KANSL1: variants seen among roughly 807,000 people sequenced by gnomAD.
KANSL1 encodes the protein MLL1/MLL complex subunit KANSL1.
Under a neutral mutation model 103.6 loss-of-function variants are expected in KANSL1, and 22 were observed. The ratio of observed to expected loss-of-function variants is 0.21; its 90% CI spans 0.15 to 0.30. The LOEUF (loss-of-function observed/expected upper bound fraction) is 0.30, where lower values mean the gene tolerates loss of function less well. Among genes scored for constraint, KANSL1 ranks in the 10% least tolerant of loss-of-function variants. The pLI, the probability that KANSL1 is intolerant of heterozygous loss-of-function variation, is 1.00. For missense variants in KANSL1, 1,337 were observed against 1,399.8 expected (o/e 0.96, Z 0.72); for synonymous variants, 600 against 527.6 (o/e 1.14, Z -1.88).
intron 2 of KANSL1, among the ~76,000 whole-genome samples, chr17:46,157,980 G>A (rs2045521177): frequency 6.6e-6 from 1 of 152,234 alleles, no homozygotes; most frequent in Admixed American, 6.5e-5. Context: ...AATAGTTGTA[G>A]CAATTCAGCT....
At position 46,115,459 on chromosome 17, in the gene KANSL1, T is replaced by C. The variant is rs2043003292; in HGVS notation, c.1290-20758A>G. Among the ~76,000 whole-genome samples, 4 of 152,190 alleles carry C rather than the reference T, an allele frequency of 2.6e-5. No homozygotes were observed. The South Asian group carries it at 8.3e-4, about 32-fold the overall frequency. On this transcript the variant is annotated intron_variant, in intron 2 of 14. Transcript: ENST00000432791. ...TATAAAGCTATCGAGTGTCAACAGT[T>C]CTATATTACCCCCGTCCCCACCCCC... is the stretch of plus-strand genomic sequence containing the variant.
At chr17:46,062,053 T>A (rs1023260898) in intron 6 of KANSL1, among the ~76,000 whole-genome samples, 2 of 135,096 alleles carry the variant, frequency 1.5e-5, no homozygotes, top group Admixed American at 1.8e-4. Flanking sequence ...GATTGTGCCA[T>A]TGCACTCCAG....
intron 2 of KANSL1, among the ~76,000 whole-genome samples, chr17:46,111,780 T>C (rs764662213): frequency 2.6e-5 from 4 of 152,228 alleles, no homozygotes; most frequent in Non-Finnish European, 4.4e-5. Context: ...AATTCCTATC[T>C]TACACTACAC....
Position 46,108,865 on chromosome 17 carries a change from T to C in KANSL1, c.1290-14164A>G, listed in dbSNP as rs566204791. The stretch of plus-strand genomic sequence containing the variant: ...ATGCTGAAAGCGAGTCAAGCAATTA[T>C]AGTCCACACTCTTAGTCCAAGTATA... On this transcript the variant is annotated intron_variant, in intron 2 of 14. Transcript: ENST00000432791. Among the ~76,000 whole-genome samples the C allele has an allele frequency of 5.9e-5, 9 of 152,330 alleles. No homozygotes were observed. In the East Asian group the frequency reaches 1.5e-3, roughly 26 times the overall value.
rs746688275 is a variant in KANSL1 at position 46,038,566 on chromosome 17, G to C, written c.2513C>G (p.Ser838Cys). The C allele has an allele frequency of 6.2e-7, 1 of 1,614,166 alleles. No homozygotes were observed. Among genetic ancestry groups the C allele is most frequent in the Non-Finnish European group, 8.5e-7 (1 of 1,180,028 alleles). ...TGTGCTGGCTGTAACCTGTGAGCTA[G>C]AGCTGGCGGGTGCAGGGGAATCTGA... ...TSSDSPAPAS[S>C]SSQVTASTSQ... The change falls in exon 10 of 15, where the codon TCT becomes TGT. Residue 838 changes from serine to cysteine, a missense_variant. Transcript: ENST00000432791.
chr17:46,059,337 G>A (rs1411897717), intron 6 of KANSL1, among the ~76,000 whole-genome samples: 1 of 152,036 alleles, frequency 6.6e-6, no homozygotes, highest in African/African-American at 2.4e-5. Flanking sequence ...GAGGAAAGGA[G>A]GCTGGGCACA....
At chr17:46,200,467 G>T (rs2047763087) in intron 1 of KANSL1, among the ~76,000 whole-genome samples, 1 of 152,206 alleles carries the variant, frequency 6.6e-6, no homozygotes, top group Non-Finnish European at 1.5e-5. Context: ...TACAGGCTGG[G>T]TGCGGTAGCT....
At chr17:46,064,957 G>GT (rs1213117586) in intron 6 of KANSL1, among the ~76,000 whole-genome samples, 7 of 151,684 alleles carry the variant, frequency 4.6e-5, no homozygotes, top group African/African-American at 1.7e-4. Context: ...ATGTATACGT[G>GT]TGTTTTTTTT....
At chr17:46,107,393 T>C (rs1048878331) in intron 2 of KANSL1, among the ~76,000 whole-genome samples, 4 of 152,218 alleles carry the variant, frequency 2.6e-5, no homozygotes, top group African/African-American at 9.6e-5. Flanking sequence ...ACCTCCACTG[T>C]ACTAAATCCA....
rs941967137 is a variant in KANSL1, at chr17:46,098,966, T to C, written c.1290-4265A>G. 1.9e-4 allele frequency among the ~76,000 whole-genome samples: 29 copies of C among 152,336 alleles called. 1 individual carries two copies. In the East Asian group the frequency reaches 5.0e-3, roughly 26 times the overall value. On this transcript the variant is annotated intron_variant, in intron 2 of 14. Coordinates refer to ENST00000432791, the MANE Select transcript of KANSL1 (RefSeq NM_015443.4). ...ATATGAAGATGTTACCATACTCCAG[T>C]GGCAGAGCAGAGCACCACTAAACAG...
chr17:46,069,038 G>A (rs1440544783), intron 4 of KANSL1, among the ~76,000 whole-genome samples: 1 of 152,132 alleles, frequency 6.6e-6, no homozygotes, highest in African/African-American at 2.4e-5. Context: ...CGATTCTCCT[G>A]CTTTGGCCTC....
At chr17:46,190,822 G>A (rs1361201637) in intron 1 of KANSL1, among the ~76,000 whole-genome samples, 1 of 152,244 alleles carries the variant, frequency 6.6e-6, no homozygotes, top group Non-Finnish European at 1.5e-5. Context: ...AGAATTTCAT[G>A]ACTGAAGGTA....
chr17:46,195,318 G>C (rs913392614), upstream of KANSL1, among the ~76,000 whole-genome samples: 4 of 152,318 alleles, frequency 2.6e-5, no homozygotes, highest in South Asian at 8.3e-4. Context: ...AGACTGAACT[G>C]TCAGATTTAA....
intron 2 of KANSL1, among the ~76,000 whole-genome samples, chr17:46,163,009 A>G (rs1172300553): frequency 2.0e-5 from 3 of 152,212 alleles, no homozygotes; most frequent in Admixed American, 6.5e-5. Flanking sequence ...CACTTCCTTC[A>G]GAAGACTCAC....
intron 4 of KANSL1, among the ~76,000 whole-genome samples, chr17:46,075,534 A>T (rs1466154594): frequency 6.6e-6 from 1 of 152,068 alleles, no homozygotes; most frequent in African/African-American, 2.4e-5. Flanking sequence ...ACGGGGTTTC[A>T]CCATGTTGGC....
upstream of KANSL1, chr17:46,193,624 AT>A (rs2047484330): frequency 3.4e-6 from 1 of 295,706 alleles, no homozygotes; most frequent in Non-Finnish European, 7.1e-6. Context: ...GCCGTGGCCG[AT>A]GTTTTTGTAC....
chr17:46,189,373 G>A (rs1351229647), intron 1 of KANSL1, among the ~76,000 whole-genome samples: 1 of 152,114 alleles, frequency 6.6e-6, no homozygotes, highest in Non-Finnish European at 1.5e-5. Context: ...TTGGGGGGTG[G>A]AGAGGGACAA....
chr17:46,202,513 TG>T (rs1183030198), intron 1 of KANSL1, among the ~76,000 whole-genome samples: 1 of 152,250 alleles, frequency 6.6e-6, no homozygotes, highest in Non-Finnish European at 1.5e-5. Flanking sequence ...AAAGAGGTAC[TG>T]GTTTAGACCA....
At chr17:46,062,115 AAAC>A (rs1211672519) in intron 6 of KANSL1, among the ~76,000 whole-genome samples, 33 of 34,380 alleles carry the variant, frequency 9.6e-4, no homozygotes, top group East Asian at 4.1e-3. Context: ...AAAAACAAAC[AAAC>A]AAAAAAAAAA....
Sources: gnomAD v4.1 joint callset for allele counts (sites outside exome capture counted in the v4.1 genomes callset) on GRCh38, gnomAD v4.1.1 for gene constraint, MANE v1.5 for transcripts, NCBI Gene and HGNC (gene_info 2026-07-23, HGNC 2026-07-21) for gene names.